PTPRD: variants seen among roughly 807,000 people sequenced by gnomAD.
PTPRD encodes the protein protein tyrosine phosphatase receptor type D, also known as receptor-type tyrosine-protein phosphatase delta.
PTPRD carries 34 observed loss-of-function variants against 214.5 expected under a neutral mutation model. The ratio of observed to expected loss-of-function variants is 0.16; its 90% confidence interval spans 0.12 to 0.21. The LOEUF (loss-of-function observed/expected upper bound fraction) is 0.21, where lower values mean the gene tolerates loss of function less well. Ranked by LOEUF, PTPRD falls within the 10% of genes least tolerant of loss-of-function variation. The pLI is 1.00. For synonymous variants in PTPRD, 1,128 were observed against 845.7 expected (o/e 1.33, Z -5.79); for missense variants, 2,545 against 2,398.7 (o/e 1.06, Z -1.27).
At position 9,438,575 on chromosome 9, in the gene PTPRD, T is replaced by C. The variant is rs143776453; in HGVS notation, c.-236-41093A>G. On this transcript the variant is annotated intron_variant, in intron 8 of 45. Transcript: ENST00000381196. ...TTGTATAAATCAGTTAGTTGTGTAC[T>C]GGGCCAACCAAAGCATCTATCCCTC... is the stretch of plus-strand genomic sequence containing the variant. 1.1e-4 allele frequency among the ~76,000 whole-genome samples: 16 copies of C among 152,332 alleles called. No homozygotes were observed. In the East Asian group the frequency reaches 3.1e-3, roughly 29 times the overall value.
chr9:10,476,837 C>A (rs2099065880), intron 2 of PTPRD, among the ~76,000 whole-genome samples: 1 of 152,120 alleles, frequency 6.6e-6, no homozygotes, highest in Non-Finnish European at 1.5e-5. Flanking sequence ...TAACACCACA[C>A]ATCTACAACC....
intron 7 of PTPRD, among the ~76,000 whole-genome samples, chr9:9,633,991 C>A (rs1322154738): frequency 1.3e-5 from 2 of 152,078 alleles, no homozygotes; most frequent in Non-Finnish European, 2.9e-5. Context: ...GGGAGAAAAA[C>A]ATGTTATCTG....
intron 3 of PTPRD, among the ~76,000 whole-genome samples, chr9:10,221,579 T>A (rs1189318589): frequency 6.6e-6 from 1 of 152,062 alleles, no homozygotes; most frequent in Non-Finnish European, 1.5e-5. Flanking sequence ...GGAATGCATT[T>A]ATTTTTATGA....
At chr9:9,955,435 T>C (rs535260378) in intron 4 of PTPRD, among the ~76,000 whole-genome samples, 1 of 152,322 alleles carries the variant, frequency 6.6e-6, no homozygotes, top group South Asian at 2.1e-4. Context: ...TTACCGTTTG[T>C]TATATATCAA....
intron 5 of PTPRD, among the ~76,000 whole-genome samples, chr9:9,920,154 A>G (rs2082151163): frequency 6.6e-6 from 1 of 152,272 alleles, no homozygotes; most frequent in East Asian, 1.9e-4. Context: ...CTTCCAAAAC[A>G]GTGTCTCAGG....
At chr9:8,781,053 AG>A (rs1232217772) in intron 11 of PTPRD, among the ~76,000 whole-genome samples, 1 of 152,218 alleles carries the variant, frequency 6.6e-6, no homozygotes, top group Admixed American at 6.5e-5. Flanking sequence ...ACAATTCAAT[AG>A]GAGGATGCGG....
chr9:9,814,299 G>T (rs2048054281), intron 5 of PTPRD, among the ~76,000 whole-genome samples: 1 of 103,602 alleles, frequency 9.7e-6, no homozygotes, highest in Non-Finnish European at 1.7e-5. Context: ...TGAGCAATTA[G>T]GTAAGAAAGA....
intron 2 of PTPRD, among the ~76,000 whole-genome samples, chr9:10,539,635 A>G (rs1224597395): frequency 6.6e-6 from 1 of 152,158 alleles, no homozygotes; most frequent in Non-Finnish European, 1.5e-5. Flanking sequence ...GCCAACTTGA[A>G]GTTTAAACTA....
At position 9,430,246 on chromosome 9, in the gene PTPRD, T is replaced by C. The variant is rs1426629706; in HGVS notation, c.-236-32764A>G. On this transcript the variant is annotated intron_variant, in intron 8 of 45. Coordinates refer to ENST00000381196, the MANE Select transcript of PTPRD (RefSeq NM_002839.4). The stretch of plus-strand genomic sequence containing the variant: ...AATGTGCAAAAATCACAAGCATTCC[T>C]ATACACCAATAACAGACAAACAGAG... Among the ~76,000 whole-genome samples, 6 of 152,132 alleles carry C rather than the reference T, an allele frequency of 3.9e-5. No homozygotes were observed. The East Asian group carries it at 7.7e-4, about 20-fold the overall frequency.
chr9:8,530,809 GA>G (rs1229390185), intron 14 of PTPRD, among the ~76,000 whole-genome samples: 1 of 152,072 alleles, frequency 6.6e-6, no homozygotes, highest in African/African-American at 2.4e-5. Flanking sequence ...AAGCTCCCAA[GA>G]AAGAGAAATT....
intron 2 of PTPRD, among the ~76,000 whole-genome samples, chr9:10,554,986 A>G (rs1302900081): frequency 6.6e-6 from 1 of 152,192 alleles, no homozygotes; most frequent in South Asian, 2.1e-4. Flanking sequence ...CATGATGTCT[A>G]CCATTTAGAT....
intron 11 of PTPRD, among the ~76,000 whole-genome samples, chr9:8,839,797 C>T (rs1316157266): frequency 2.1e-5 from 2 of 96,274 alleles, no homozygotes; most frequent in African/African-American, 4.5e-5. Context: ...GGGAACAATG[C>T]CCAACAAAAG....
chr9:10,283,814 G>T (rs1267774614), intron 3 of PTPRD, among the ~76,000 whole-genome samples: 1 of 152,126 alleles, frequency 6.6e-6, no homozygotes, highest in Non-Finnish European at 1.5e-5. Context: ...CAACACTACA[G>T]AATTTTATGT....
chr9:9,489,008 A>T (rs565219313), intron 8 of PTPRD, among the ~76,000 whole-genome samples: 1 of 152,296 alleles, frequency 6.6e-6, no homozygotes, highest in South Asian at 2.1e-4. Flanking sequence ...CACTATTGTT[A>T]TAAGGCCCTC....
chr9:10,420,449 T>G (rs935178183), intron 2 of PTPRD, among the ~76,000 whole-genome samples: 2 of 151,738 alleles, frequency 1.3e-5, no homozygotes, highest in Admixed American at 6.6e-5. Context: ...ACATAGAGAT[T>G]GGTGGCCAAG....
At position 8,689,563 on chromosome 9, in the gene PTPRD, G is replaced by C. The variant is rs74698455; in HGVS notation, c.64+44217C>G. On this transcript the variant is annotated intron_variant, in intron 12 of 45. Coordinates refer to ENST00000381196, the MANE Select transcript of PTPRD (RefSeq NM_002839.4). ...GTGGGAATCCCTGATAATACCGTCAGATCTCGTAATACGTATTCACTACCA... is the reference window on the plus strand; with the variant it reads ...GTGGGAATCCCTGATAATACCGTCACATCTCGTAATACGTATTCACTACCA... Among the ~76,000 whole-genome samples the C allele has an allele frequency of 4.7e-3, 717 of 152,262 alleles. 4 individuals are homozygous for C. Among genetic ancestry groups the C allele is most frequent in the African/African-American group, 0.016 (681 of 41,540 alleles).
At chr9:8,597,227 A>T (rs1594869832) in intron 14 of PTPRD, among the ~76,000 whole-genome samples, 1 of 152,152 alleles carries the variant, frequency 6.6e-6, no homozygotes, top group African/African-American at 2.4e-5. Flanking sequence ...TACTTTAAAT[A>T]GCTTACAGGG....
chr9:10,171,585 C>T (rs2099206440), intron 3 of PTPRD, among the ~76,000 whole-genome samples: 1 of 151,890 alleles, frequency 6.6e-6, no homozygotes, highest in South Asian at 2.1e-4. Flanking sequence ...AGTGCAGCGG[C>T]GCAATCTCGG....
At chr9:9,213,638 A>T (rs2099950258) in intron 9 of PTPRD, among the ~76,000 whole-genome samples, 1 of 152,120 alleles carries the variant, frequency 6.6e-6, no homozygotes, top group South Asian at 2.1e-4. Flanking sequence ...TTTGTATTCA[A>T]ATATACAGAC....
Sources: allele counts gnomAD v4.1 joint callset (sites outside exome capture counted in the v4.1 genomes callset), GRCh38; gene constraint gnomAD v4.1.1; transcripts MANE v1.5; gene names NCBI Gene and HGNC (gene_info 2026-07-23, HGNC 2026-07-21).